Variants in ACOT1 observed in about 807,000 individuals in gnomAD.
ACOT1 encodes the protein acyl-coenzyme A thioesterase 1.
ACOT1 carries 8 observed loss-of-function variants against 15.7 expected under a neutral mutation model. The observed-to-expected ratio is 0.51, with a 90% CI of 0.30 to 0.92. The LOEUF is 0.92. Ranked by LOEUF, ACOT1 falls within the 40% of genes least tolerant of loss-of-function variation. The pLI is 0.06. For missense variants in ACOT1, 151 were observed against 539.4 expected (o/e 0.28, Z 7.13); for synonymous variants, 67 against 241.2 (o/e 0.28, Z 6.69).
chr14:73,542,583 T>C (rs1889123960), intron 2 of ACOT1, among the ~76,000 whole-genome samples: 2 of 106,094 alleles, frequency 1.9e-5, no homozygotes, highest in African/African-American at 6.4e-5. Flanking sequence ...TTTTTGTATT[T>C]TTAGTAGAGA....
At chr14:73,525,997 T>A in the ACOT1 span, among the ~76,000 whole-genome samples, 1 of 150,246 alleles carries the variant, frequency 6.7e-6, no homozygotes, top group East Asian at 1.9e-4. Context: ...AAAAATCAGG[T>A]GAGTGATCAC....
At chr14:73,519,146 G>A in the ACOT1 span, 2 of 1,612,854 alleles carry the variant, frequency 1.2e-6, no homozygotes, top group Non-Finnish European at 8.5e-7. Flanking sequence ...CCAATCTGGT[G>A]GATGATCTGG....
the ACOT1 span, chr14:73,522,868 G>A: frequency 6.2e-7 from 1 of 1,614,178 alleles, no homozygotes. Context: ...TATTGTAGAG[G>A]TGGTCAAAGC....
At chr14:73,508,040 C>A in the ACOT1 span, 1 of 1,219,216 alleles carries the variant, frequency 8.2e-7, no homozygotes, top group South Asian at 1.3e-5. Context: ...GCCACTGCCC[C>A]GGCCCCAGCT....
In ACOT1 at chr14:73,537,823, G is replaced by A; in HGVS notation, c.402G>A (p.Val134=). The A allele has an allele frequency of 8.3e-7, 1 of 1,209,908 alleles. No individual in the cohort carries two copies. The highest frequency in any genetic ancestry group is 1.6e-5 in the African/African-American group (1 of 63,488). 74.9% of individuals were successfully genotyped at this position (1,209,908 alleles called of 1,614,324 possible). The part of the protein sequence containing the change: ...RHERYFLPPG[V]RREPVRAGRV... ...AGCGCTACTTCCTCCCGCCCGGGGT[G>A]CGGCGCGAGCCGGTGCGCGCGGGCC... The change falls in exon 1 of 3, where the codon GTG becomes GTA. Residue 134 remains valine (V), a synonymous_variant. Coordinates refer to ENST00000311148, the MANE Select transcript of ACOT1 (RefSeq NM_001037161.2).
chr14:73,519,555 G>A, the ACOT1 span, among the ~76,000 whole-genome samples: 1 of 151,834 alleles, frequency 6.6e-6, no homozygotes, highest in Non-Finnish European at 1.5e-5. Context: ...ACCAGCCTGG[G>A]CAACACTGTA....
At chr14:73,490,965 G>T in the ACOT1 span, 2 of 1,304,482 alleles carry the variant, frequency 1.5e-6, no homozygotes, top group Non-Finnish European at 2.0e-6. Flanking sequence ...TTCAGGAACC[G>T]CTTTAGCTTC....
chr14:73,513,576 A>G, the ACOT1 span, among the ~76,000 whole-genome samples: 5 of 151,948 alleles, frequency 3.3e-5, no homozygotes, highest in Non-Finnish European at 7.4e-5. Flanking sequence ...AGATACAAAA[A>G]GTTAACCAAG....
At chr14:73,536,826 G>A (rs1053322596), upstream of ACOT1, among the ~76,000 whole-genome samples, 2 of 114,838 alleles carry the variant, frequency 1.7e-5, 1 homozygote, top group South Asian at 5.6e-4. Flanking sequence ...CAGAGAACAC[G>A]AAAGCAAAAC....
rs115567526 is a variant in ACOT1 at position 73,539,452 on chromosome 14, G to A, written c.457+1574G>A. On this transcript the variant is annotated intron_variant, in intron 1 of 2. Coordinates refer to ENST00000311148, the MANE Select transcript of ACOT1 (RefSeq NM_001037161.2). Reference sequence around the variant, plus strand: ...GACTCCAGGTGCTGCTCTACCCAGCGGTGCTTCTCACCCACACAGTGGTCA... The same window carrying A: ...GACTCCAGGTGCTGCTCTACCCAGCAGTGCTTCTCACCCACACAGTGGTCA... 8.6e-3 allele frequency: 1,048 copies of A among 121,586 alleles called. 226 individuals carry two copies. Among genetic ancestry groups the A allele is most frequent in the African/African-American group, 0.027 (981 of 35,976 alleles). The allele number at this position is 121,586 out of a possible 1,614,324, so 7.5% of individuals were successfully genotyped here. A position where few individuals can be genotyped will look rare whatever the true frequency, so the allele number is the denominator to read the frequency against.
the ACOT1 span, chr14:73,506,414 G>T: frequency 3.0e-6 from 4 of 1,332,670 alleles, no homozygotes; most frequent in Non-Finnish European, 2.2e-6. Flanking sequence ...GAAGGCCTCT[G>T]TAGCTCAGCC....
the ACOT1 span, among the ~76,000 whole-genome samples, chr14:73,497,376 T>TACTGAACACCTTTATGACAGGC: frequency 1.3e-5 from 2 of 152,182 alleles, no homozygotes; most frequent in African/African-American, 2.4e-5. Context: ...AGGTACCATT[T>TACTGAACACCTTTATGACAGGC]ACTGAACACC....
the ACOT1 span, among the ~76,000 whole-genome samples, chr14:73,531,611 A>G: frequency 1.8e-4 from 19 of 108,208 alleles, 3 homozygotes; most frequent in African/African-American, 5.6e-4. Flanking sequence ...GTTTCACCAT[A>G]TTGGCCAGGC....
At chr14:73,529,725 G>T in the ACOT1 span, among the ~76,000 whole-genome samples, 1 of 152,192 alleles carries the variant, frequency 6.6e-6, no homozygotes. Context: ...GTCAAAGTAG[G>T]TTGAGTAACG....
the ACOT1 span, among the ~76,000 whole-genome samples, chr14:73,497,577 C>G: frequency 1.2e-4 from 18 of 152,274 alleles, no homozygotes; most frequent in African/African-American, 3.6e-4. Flanking sequence ...AACTTGTTGT[C>G]CCAATAGGCA....
the ACOT1 span, among the ~76,000 whole-genome samples, chr14:73,498,586 T>G: frequency 6.6e-6 from 1 of 152,134 alleles, no homozygotes; most frequent in African/African-American, 2.4e-5. Flanking sequence ...ACAAATAACA[T>G]GGAAGACCTG....
chr14:73,515,671 CAAAAAAAAAAAAAAA>C, the ACOT1 span, among the ~76,000 whole-genome samples: 2 of 33,486 alleles, frequency 6.0e-5, no homozygotes, highest in Admixed American at 5.1e-4. Flanking sequence ...GACTCCATCT[CAAAAAAAAAAAAAAA>C]AAAAAAAAAA....
the ACOT1 span, among the ~76,000 whole-genome samples, chr14:73,497,393 A>G: frequency 1.3e-5 from 2 of 152,168 alleles, no homozygotes; most frequent in African/African-American, 4.8e-5. Context: ...CACCTTTATG[A>G]CAGGCGCTAA....
chr14:73,510,064 TGTTAGCCAGGATG>T, the ACOT1 span, among the ~76,000 whole-genome samples: 1 of 150,724 alleles, frequency 6.6e-6, no homozygotes, highest in South Asian at 2.1e-4. Flanking sequence ...GATTTCACCG[TGTTAGCCAGGATG>T]GTCTCGATCT....
Sources: gnomAD v4.1 joint callset for allele counts (sites outside exome capture counted in the v4.1 genomes callset) on GRCh38, gnomAD v4.1.1 for gene constraint, MANE v1.5 for transcripts, NCBI Gene and HGNC (gene_info 2026-07-23, HGNC 2026-07-21) for gene names.